Variants in FSIP2 observed in about 807,000 individuals in gnomAD.
FSIP2 encodes fibrous sheath interacting protein 2.
A neutral mutation model predicts 510.5 loss-of-function variants in FSIP2; 367 were observed. The ratio of observed to expected loss-of-function variants is 0.72; its 90% CI spans 0.66 to 0.78. The LOEUF is 0.78. Among genes scored for constraint, FSIP2 ranks in the 30% least tolerant of loss-of-function variants. The pLI, the probability that FSIP2 is intolerant of heterozygous loss-of-function variation, is 0.00. For missense variants in FSIP2, 7,594 were observed against 7,901.7 expected, an observed-to-expected ratio of 0.96 and a Z score of 1.48; for synonymous variants, 2,601 against 2,732.2, an observed-to-expected ratio of 0.95 and a Z score of 1.50.
At chr2:185,799,543 G>C (rs1693373394) in intron 16 of FSIP2, among the ~76,000 whole-genome samples, 154 bp from the exon 17 acceptor site, 1 of 151,712 alleles carries the variant, frequency 6.6e-6, no homozygotes, top group Non-Finnish European at 1.5e-5. Context: ...GAAAATAAAT[G>C]TTTGAGGAAA....
chr2:185,740,573 G>A (rs1691904395), intron 2 of FSIP2: 1 of 152,162 alleles, frequency 6.6e-6, no homozygotes, highest in South Asian at 2.1e-4. Context: ...CTTGCTTAAT[G>A]TCTTATACAG....
intron 21 of FSIP2, among the ~76,000 whole-genome samples, chr2:185,828,546 G>C (rs1338465065): frequency 3.3e-5 from 5 of 151,834 alleles, no homozygotes; most frequent in Admixed American, 3.3e-4. Context: ...GCCCTACCTA[G>C]GATGAGTAGA....
At chr2:185,784,003 A>G (rs1025710186) in intron 14 of FSIP2, 1 of 152,198 alleles carries the variant, frequency 6.6e-6, no homozygotes, top group Non-Finnish European at 1.5e-5. Context: ...ATCCAAATAA[A>G]GAGCAAAGAC....
intron 13 of FSIP2, among the ~76,000 whole-genome samples, chr2:185,770,021 T>G (rs1323934788): frequency 2.6e-5 from 4 of 152,324 alleles, no homozygotes; most frequent in African/African-American, 9.6e-5. Context: ...CCTGCTTTGT[T>G]CTTTTTGTTT....
At chr2:185,752,067 AT>A (rs34440618) in intron 7 of FSIP2, among the ~76,000 whole-genome samples, 4 of 148,988 alleles carry the variant, frequency 2.7e-5, no homozygotes, top group African/African-American at 4.9e-5. Context: ...ATCTGCTATC[AT>A]TTTTTTTTCT....
chr2:185,799,862 A>G lies in FSIP2; in HGVS notation c.10556A>G (p.Lys3519Arg). 2 of 1,533,484 alleles carry G rather than the reference A, an allele frequency of 1.3e-6. No individual in the cohort carries two copies. Among genetic ancestry groups the G allele is most frequent in the African/African-American group, 2.7e-5 (2 of 72,942 alleles). The allele number at this position is 1,533,484 out of a possible 1,614,324, so 95.0% of individuals were successfully genotyped here. ...ACTTCGAGCATTTCTGATGGCACCAAAAAGGGTAGAGAAAAAGAGAAAGCA... is the reference window on the plus strand; with the variant it reads ...ACTTCGAGCATTTCTGATGGCACCAGAAAGGGTAGAGAAAAAGAGAAAGCA... Reference protein sequence around the residue: ...HLTSSISDGTKKGREKEKAWE... With the variant: ...HLTSSISDGTRKGREKEKAWE... The change falls in exon 17 of 23, where the codon AAA becomes AGA. Residue 3519 changes from lysine (K) to arginine (R), a missense_variant. By Grantham distance (26) the Lys-to-Arg change is conservative (BLOSUM62 2). Coordinates refer to ENST00000424728, the MANE Select transcript of FSIP2 (RefSeq NM_173651.4).
chr2:185,825,286 A>T (rs1443041984), intron 20 of FSIP2, among the ~76,000 whole-genome samples: 2 of 151,820 alleles, frequency 1.3e-5, no homozygotes, highest in Admixed American at 1.3e-4. Context: ...ACTTTGTTAG[A>T]TGCCAACAGA....
At chr2:185,739,165 A>G in intron 1 of FSIP2, 172 bp downstream of exon 1, 1 of 1,145,826 alleles carries the variant, frequency 8.7e-7, no homozygotes, top group South Asian at 1.6e-5. Context: ...TACCGGCCGC[A>G]ACTGGCAGGC....
intron 19 of FSIP2, among the ~76,000 whole-genome samples, chr2:185,822,102 C>G (rs1693932366): frequency 6.6e-6 from 1 of 151,866 alleles, no homozygotes; most frequent in Admixed American, 6.6e-5. Context: ...GAAACATCTA[C>G]AGCTAACATT....
At chr2:185,780,980 A>G in intron 13 of FSIP2, among the ~76,000 whole-genome samples, 1 of 151,934 alleles carries the variant, frequency 6.6e-6, no homozygotes, top group Non-Finnish European at 1.5e-5. Flanking sequence ...TTCTTAGCAT[A>G]TAATTTTATC....
chr2:185,747,064 C>T (rs1483589066), intron 6 of FSIP2, among the ~76,000 whole-genome samples: 2 of 152,062 alleles, frequency 1.3e-5, no homozygotes, highest in African/African-American at 4.8e-5. Flanking sequence ...CTATTTAACT[C>T]TCTTAATGCC....
intron 15 of FSIP2, among the ~76,000 whole-genome samples, chr2:185,787,709 A>G (rs1218815208): frequency 6.6e-6 from 1 of 151,768 alleles, no homozygotes; most frequent in East Asian, 1.9e-4. Flanking sequence ...GGTCCAGTTC[A>G]AATCTATGAC....
chr2:185,828,300 G>T, intron 21 of FSIP2, 101 bp downstream of exon 21: 1 of 701,388 alleles, frequency 1.4e-6, no homozygotes, highest in Non-Finnish European at 2.5e-6. Flanking sequence ...ATGATTTGAA[G>T]GATATCAGAA....
chr2:185,804,140 C>G lies in FSIP2; in HGVS notation c.14834C>G (p.Ser4945Ter). ...AGAGAATTATCTTTTATTGTGAACT[C>G]ATCTGTCTTTTTGGAGGAAGTAATT... ...KQRELSFIVNSSVFLEEVISE... is the reference protein window; with the variant it reads ...KQRELSFIVN The change falls in exon 17 of 23, where the codon TCA becomes TGA. Residue 4945 changes from serine (S) to a stop codon, truncating the protein, a stop_gained. Transcript: ENST00000424728. LOFTEE classifies it high-confidence loss of function. 6.6e-7 allele frequency: 1 copy of G among 1,514,776 alleles called. No individual in the cohort carries two copies. Among genetic ancestry groups the G allele is most frequent in the Non-Finnish European group, 8.8e-7 (1 of 1,137,852 alleles). 93.8% of individuals were successfully genotyped at this position (1,514,776 alleles called of 1,614,324 possible). A position where few individuals can be genotyped will look rare whatever the true frequency, so the allele number is the denominator to read the frequency against.
intron 6 of FSIP2, among the ~76,000 whole-genome samples, chr2:185,747,022 T>C (rs1458120787): frequency 6.6e-6 from 1 of 152,118 alleles, no homozygotes; most frequent in Admixed American, 6.6e-5. Context: ...CAATTTCTGC[T>C]CTTAAAGAAC....
chr2:185,829,098 C>A (rs1050996649), intron 21 of FSIP2, among the ~76,000 whole-genome samples: 1 of 151,858 alleles, frequency 6.6e-6, no homozygotes, highest in Non-Finnish European at 1.5e-5. Flanking sequence ...TATATGGCAA[C>A]AGAAGGGAAA....
rs1014109965 is a variant in FSIP2, at chr2:185,803,686, T to C, written c.14380T>C (p.Leu4794=). 1 of 1,532,034 alleles carries C rather than the reference T, an allele frequency of 6.5e-7. No individual in the cohort carries two copies. The highest frequency in any genetic ancestry group is 8.7e-7 in the Non-Finnish European group (1 of 1,144,278). The allele number at this position is 1,532,034 out of a possible 1,614,324, so 94.9% of individuals were successfully genotyped here. A position where few individuals can be genotyped will look rare whatever the true frequency, so the allele number is the denominator to read the frequency against. Residue 4794 remains leucine, a synonymous_variant, in exon 17 of 23, where the codon TTG becomes CTG. Transcript: ENST00000424728. ...MYTTMLSHSH[L]EKIVTQLTSQ... The stretch of plus-strand genomic sequence containing the variant: ...TACCACTATGTTATCACATAGTCAT[T>C]TGGAAAAAATAGTTACTCAGCTTAC...
rs1197304287 is a variant in FSIP2, at chr2:185,796,338, C to G, written c.9202C>G (p.Leu3068Val). ...TTTCAAGGAAAACATACAGAATATC[C>G]TTCTACGGGTTCATTCATTCCATTC... ...INFKENIQNI[L>V]LRVHSFHSQL... Residue 3068 changes from leucine to valine, a missense_variant, in exon 16 of 23, where the codon CTT becomes GTT. Transcript: ENST00000424728. 17 of 1,533,492 alleles carry G rather than the reference C, an allele frequency of 1.1e-5. No homozygotes were observed. The highest frequency in any genetic ancestry group is 2.7e-5 in the African/African-American group (2 of 72,864). The allele number at this position is 1,533,492 out of a possible 1,614,324, so 95.0% of individuals were successfully genotyped here.
chr2:185,793,430 A>G lies in FSIP2; in HGVS notation c.6294A>G (p.Leu2098=). 6.5e-7 allele frequency: 1 copy of G among 1,534,026 alleles called. No homozygotes were observed. The highest frequency in any genetic ancestry group is 8.7e-7 in the Non-Finnish European group (1 of 1,145,364). Residue 2098 remains leucine, a synonymous_variant, in exon 16 of 23, where the codon CTA becomes CTG. Transcript: ENST00000424728. The part of the protein sequence containing the change: ...LQIQDTIEGI[L]CDIYEKTLFQ... The stretch of plus-strand genomic sequence containing the variant: ...TACAAGATACCATTGAAGGTATCCT[A>G]TGTGATATTTATGAAAAAACCCTGT...
Sources: allele counts gnomAD v4.1 joint callset (sites outside exome capture counted in the v4.1 genomes callset), GRCh38; gene constraint gnomAD v4.1.1; transcripts MANE v1.5; gene names NCBI Gene and HGNC (gene_info 2026-07-23, HGNC 2026-07-21).